The following CNTN5 variants were observed in gnomAD, a reference collection of about 807,000 sequenced individuals.
The protein encoded by CNTN5 is contactin-5.
Under a neutral mutation model 129.1 loss-of-function variants are expected in CNTN5, and 77 were observed. That is an observed-to-expected ratio of 0.60 (90% CI 0.50 to 0.72). CNTN5 has a LOEUF of 0.72. Ranked by LOEUF, CNTN5 falls within the 30% of genes least tolerant of loss-of-function variation. CNTN5 has a pLI of 0.00. For synonymous variants in CNTN5, 509 were observed against 465.6 expected, an observed-to-expected ratio of 1.09 and a Z score of -1.20; for missense variants, 1,478 against 1,328.8, an observed-to-expected ratio of 1.11 and a Z score of -1.75.
At chr11:99,969,369 T>G (rs1191514997) in intron 8 of CNTN5, among the ~76,000 whole-genome samples, 1 of 152,188 alleles carries the variant, frequency 6.6e-6, no homozygotes, top group Non-Finnish European at 1.5e-5. Context: ...TGAACACATC[T>G]TTCTTCATGA....
At chr11:99,352,171 C>T (rs2136084330) in intron 2 of CNTN5, among the ~76,000 whole-genome samples, 1 of 152,276 alleles carries the variant, frequency 6.6e-6, no homozygotes, top group Admixed American at 6.5e-5. Context: ...ATGAATAGAC[C>T]TGAGTGATTT....
At position 100,046,327 on chromosome 11, in the gene CNTN5, G is replaced by A. The variant is rs187913813; in HGVS notation, c.981-14885G>A. Among the ~76,000 whole-genome samples, 8 of 152,254 alleles carry A rather than the reference G, an allele frequency of 5.3e-5. No individual in the cohort carries two copies. The East Asian group carries it at 1.5e-3, about 29-fold the overall frequency. On this transcript the variant is annotated intron_variant, in intron 9 of 24. Transcript: ENST00000524871. ...TACCAAGAGTAACAATAATTTTGAA[G>A]CTCACTGCATGATATTCTCCAATCC...
intron 3 of CNTN5, among the ~76,000 whole-genome samples, chr11:99,804,542 A>C: frequency 6.8e-6 from 1 of 146,774 alleles, no homozygotes; most frequent in African/African-American, 2.4e-5. Flanking sequence ...AGAAAAAAAA[A>C]AACTCAGTAA....
chr11:99,269,803 A>G (rs957178085), intron 1 of CNTN5, among the ~76,000 whole-genome samples: 2 of 151,938 alleles, frequency 1.3e-5, no homozygotes, highest in Non-Finnish European at 2.9e-5. Context: ...TGTCTCTTAG[A>G]GGAAAACAAT....
At chr11:99,898,558 A>G (rs1031338599) in intron 6 of CNTN5, among the ~76,000 whole-genome samples, 3 of 152,054 alleles carry the variant, frequency 2.0e-5, no homozygotes, top group Admixed American at 6.5e-5. Flanking sequence ...TTAAATGCCT[A>G]TTATATTCTA....
intron 2 of CNTN5, among the ~76,000 whole-genome samples, chr11:99,487,988 T>C (rs1318402685): frequency 6.6e-6 from 1 of 152,156 alleles, no homozygotes; most frequent in African/African-American, 2.4e-5. Context: ...ATCTCTAGGA[T>C]CATTGTATTT....
intron 1 of CNTN5, among the ~76,000 whole-genome samples, chr11:99,125,408 G>T (rs12418862): frequency 0.58 from 87,554 of 151,516 alleles, 25,443 homozygotes; most frequent in African/African-American, 0.63. Flanking sequence ...TTACATCCCT[G>T]CATGTTAAAA....
intron 7 of CNTN5, among the ~76,000 whole-genome samples, chr11:99,928,717 G>A (rs1346994252): frequency 3.3e-5 from 5 of 152,174 alleles, no homozygotes; most frequent in African/African-American, 1.2e-4. Context: ...GTGATGGAAG[G>A]GGCTGCTATG....
intron 1 of CNTN5, among the ~76,000 whole-genome samples, chr11:99,118,036 G>T (rs1453689578): frequency 6.6e-6 from 1 of 152,040 alleles, no homozygotes; most frequent in East Asian, 1.9e-4. Context: ...CTGCTATTAT[G>T]AATAACTTTG....
chr11:99,579,240 G>A lies in CNTN5; in HGVS notation c.55+22971G>A, dbSNP rs533052589. ...CTGTTTTGGTTACTGTAGCCTTGTA[G>A]TATAGTTTGAAGTCAGGTAGCGTGA... On this transcript the variant is annotated intron_variant, in intron 3 of 24. Transcript: ENST00000524871. 3.0e-3 allele frequency among the ~76,000 whole-genome samples: 455 copies of A among 152,130 alleles called. 5 individuals carry two copies. The highest frequency in any genetic ancestry group is 0.01 in the African/African-American group (430 of 41,504).
chr11:100,202,153 T>C (rs1371982336), intron 15 of CNTN5, among the ~76,000 whole-genome samples: 1 of 152,014 alleles, frequency 6.6e-6, no homozygotes, highest in African/African-American at 2.4e-5. Context: ...TAAACAACTT[T>C]CCCAAACTTA....
intron 3 of CNTN5, among the ~76,000 whole-genome samples, chr11:99,755,147 T>G (rs535886848): frequency 6.6e-6 from 1 of 152,290 alleles, no homozygotes; most frequent in East Asian, 1.9e-4. Context: ...ATCTTGGTGG[T>G]TTCCAAACGG....
chr11:99,943,987 T>C (rs778672340), intron 7 of CNTN5, among the ~76,000 whole-genome samples: 20 of 152,150 alleles, frequency 1.3e-4, no homozygotes, highest in Non-Finnish European at 2.1e-4. Context: ...AGCTTTGTTG[T>C]TTTTGCTTAG....
At chr11:100,314,184 G>A (rs1951531399) in intron 21 of CNTN5, among the ~76,000 whole-genome samples, 1 of 152,108 alleles carries the variant, frequency 6.6e-6, no homozygotes. Flanking sequence ...ACACCAACAG[G>A]TTTTGGTATT....
intron 15 of CNTN5, among the ~76,000 whole-genome samples, chr11:100,198,360 C>T (rs1948697743): frequency 6.6e-6 from 1 of 151,824 alleles, no homozygotes; most frequent in African/African-American, 2.4e-5. Context: ...TAATTGAACA[C>T]CTATGTGCCA....
intron 15 of CNTN5, among the ~76,000 whole-genome samples, chr11:100,218,562 T>G (rs1050362388): frequency 6.6e-6 from 1 of 152,182 alleles, no homozygotes; most frequent in African/African-American, 2.4e-5. Context: ...CTTGATATAG[T>G]GCTTGACTGT....
intron 4 of CNTN5, among the ~76,000 whole-genome samples, chr11:99,843,567 C>T (rs768580460): frequency 1.9e-4 from 29 of 152,024 alleles, no homozygotes; most frequent in Non-Finnish European, 4.0e-4. Context: ...GGAACTATGT[C>T]TTTACTGAAA....
intron 1 of CNTN5, among the ~76,000 whole-genome samples, chr11:99,110,649 G>A (rs905101751): frequency 3.9e-5 from 6 of 151,990 alleles, no homozygotes; most frequent in Non-Finnish European, 8.8e-5. Flanking sequence ...TCATTCACTC[G>A]TCAGCAGATA....
intron 3 of CNTN5, among the ~76,000 whole-genome samples, chr11:99,722,648 T>A (rs889084831): frequency 6.6e-6 from 1 of 151,972 alleles, no homozygotes; most frequent in Non-Finnish European, 1.5e-5. Flanking sequence ...AAAAATAATT[T>A]AAGGAAGTTC....
Sources: gnomAD v4.1 joint callset for allele counts (sites outside exome capture counted in the v4.1 genomes callset) on GRCh38, gnomAD v4.1.1 for gene constraint, MANE v1.5 for transcripts, NCBI Gene and HGNC (gene_info 2026-07-23, HGNC 2026-07-21) for gene names.